Variants in HCN1 observed in about 807,000 individuals in gnomAD.
HCN1 encodes potassium/sodium hyperpolarization-activated cyclic nucleotide-gated channel 1.
In HCN1, 13 loss-of-function variants were observed where a neutral mutation model predicts 78.9. The observed-to-expected ratio is 0.16, with a 90% CI of 0.11 to 0.26. The LOEUF is 0.26. HCN1 is among the 10% of genes least tolerant of loss of function. The probability of loss-of-function intolerance (pLI) is 1.00; values close to 1 mark genes in which losing one functional copy is unlikely to be tolerated. For synonymous variants in HCN1, 552 were observed against 455.5 expected (o/e 1.21, Z -2.70); for missense variants, 810 against 1,154.3 (o/e 0.70, Z 4.32).
chr5:45,388,860 T>C (rs1174519424), intron 4 of HCN1, among the ~76,000 whole-genome samples: 1 of 152,134 alleles, frequency 6.6e-6, no homozygotes, highest in African/African-American at 2.4e-5. Context: ...ATAATGGCTA[T>C]TTAGTATTCC....
intron 6 of HCN1, among the ~76,000 whole-genome samples, chr5:45,287,634 T>C (rs1013674664): frequency 6.6e-6 from 1 of 152,060 alleles, no homozygotes; most frequent in East Asian, 1.9e-4. Flanking sequence ...ATTAGAATTT[T>C]CAAAGTTGAG....
chr5:45,651,539 A>G (rs1316782694), intron 1 of HCN1, among the ~76,000 whole-genome samples: 2 of 152,044 alleles, frequency 1.3e-5, no homozygotes, highest in African/African-American at 4.8e-5. Context: ...TTTAATTTTT[A>G]TAACAACAAT....
At chr5:45,273,709 C>T (rs1459440240) in intron 6 of HCN1, among the ~76,000 whole-genome samples, 1 of 152,142 alleles carries the variant, frequency 6.6e-6, no homozygotes, top group Admixed American at 6.6e-5. Flanking sequence ...TAATTCTCTG[C>T]TGTGCATCAA....
chr5:45,600,120 T>C (rs1744592688), intron 2 of HCN1, among the ~76,000 whole-genome samples: 2 of 152,048 alleles, frequency 1.3e-5, no homozygotes, highest in South Asian at 2.1e-4. Flanking sequence ...TCTATAAAAG[T>C]AATTATAGTT....
At chr5:45,438,245 G>A in intron 3 of HCN1, among the ~76,000 whole-genome samples, 1 of 152,152 alleles carries the variant, frequency 6.6e-6, no homozygotes, top group South Asian at 2.1e-4. Context: ...CCAAGCTGGA[G>A]TTAAACTGAT....
At chr5:45,441,468 T>A (rs967858461) in intron 3 of HCN1, among the ~76,000 whole-genome samples, 7 of 152,186 alleles carry the variant, frequency 4.6e-5, no homozygotes, top group African/African-American at 1.7e-4. Flanking sequence ...TAATACATCC[T>A]AATCTCAAGA....
chr5:45,356,992 G>T (rs1451731667), intron 4 of HCN1, among the ~76,000 whole-genome samples: 3 of 151,940 alleles, frequency 2.0e-5, no homozygotes, highest in African/African-American at 7.3e-5. Context: ...TGCAATTGCT[G>T]ATCACATTTA....
intron 5 of HCN1, among the ~76,000 whole-genome samples, chr5:45,324,022 C>T (rs1415391831): frequency 2.6e-5 from 4 of 151,906 alleles, no homozygotes; most frequent in Non-Finnish European, 5.9e-5. Context: ...AATAAACATA[C>T]GTGTGCATGT....
At chr5:45,301,330 T>TTTAGAATTTGTATACTAAAAAATGTAA (rs573299451) in intron 6 of HCN1, among the ~76,000 whole-genome samples, 10,839 of 151,368 alleles carry the variant, frequency 0.072, 521 homozygotes, top group East Asian at 0.13. Context: ...AAAAAATGTA[T>TTTAGAATTTGTATACTAAAAAATGTAA]TTAGAATATG....
intron 1 of HCN1, among the ~76,000 whole-genome samples, chr5:45,687,602 T>C (rs1314528545): frequency 6.6e-6 from 1 of 152,150 alleles, no homozygotes; most frequent in East Asian, 1.9e-4. Flanking sequence ...ATTTGTGGAG[T>C]ATTTTTTATA....
chr5:45,404,746 T>G (rs966612439), intron 3 of HCN1, among the ~76,000 whole-genome samples: 2 of 143,848 alleles, frequency 1.4e-5, no homozygotes, highest in African/African-American at 5.0e-5. Context: ...AAAGGAATAT[T>G]TATTCTCCAG....
chr5:45,356,850 CAT>C (rs1288108504), intron 4 of HCN1, among the ~76,000 whole-genome samples: 3 of 151,994 alleles, frequency 2.0e-5, no homozygotes, highest in Non-Finnish European at 4.4e-5. Context: ...CTTCCAAACT[CAT>C]AGTGTTAACA....
intron 4 of HCN1, among the ~76,000 whole-genome samples, chr5:45,393,174 C>T (rs1040387830): frequency 6.6e-6 from 1 of 152,134 alleles, no homozygotes; most frequent in Admixed American, 6.6e-5. Context: ...TTAATTTACA[C>T]AATAAAAGTC....
intron 2 of HCN1, among the ~76,000 whole-genome samples, chr5:45,462,479 T>C (rs190187704): frequency 1.4e-4 from 22 of 152,184 alleles, no homozygotes; most frequent in Non-Finnish European, 2.9e-5. Flanking sequence ...TGAAGTAATA[T>C]TGATAATAAA....
At chr5:45,679,646 A>C (rs2112086905) in intron 1 of HCN1, among the ~76,000 whole-genome samples, 1 of 152,256 alleles carries the variant, frequency 6.6e-6, no homozygotes, top group East Asian at 1.9e-4. Flanking sequence ...TGATTATGAA[A>C]GAATTTAAAT....
chr5:45,462,122 T>C (rs1741174444), intron 2 of HCN1, 115 bp from the exon 3 acceptor site: 3 of 774,656 alleles, frequency 3.9e-6, no homozygotes, highest in Admixed American at 2.5e-5. Flanking sequence ...AATAAAAATA[T>C]GGGAATAACT....
At chr5:45,274,740 A>C (rs1745022050) in intron 6 of HCN1, among the ~76,000 whole-genome samples, 1 of 152,188 alleles carries the variant, frequency 6.6e-6, no homozygotes, top group African/African-American at 2.4e-5. Flanking sequence ...AACTAATCAT[A>C]CAAATTCCTT....
At chr5:45,648,435 A>G (rs1345981552) in intron 1 of HCN1, among the ~76,000 whole-genome samples, 3 of 152,108 alleles carry the variant, frequency 2.0e-5, no homozygotes, top group East Asian at 3.9e-4. Context: ...GTTAAACCCC[A>G]TAATATCCTT....
At chr5:45,435,934 G>T (rs1217742511) in intron 3 of HCN1, among the ~76,000 whole-genome samples, 2 of 152,060 alleles carry the variant, frequency 1.3e-5, no homozygotes, top group Non-Finnish European at 2.9e-5. Flanking sequence ...GCTTTTCACA[G>T]TGGGGTCTGT....
Sources: allele counts gnomAD v4.1 joint callset (sites outside exome capture counted in the v4.1 genomes callset), GRCh38; gene constraint gnomAD v4.1.1; transcripts MANE v1.5; gene names NCBI Gene and HGNC (gene_info 2026-07-23, HGNC 2026-07-21).